Variants in WDR62 observed in about 807,000 individuals in gnomAD.
The protein encoded by WDR62 is WD repeat domain 62.
Under a neutral mutation model 160.6 loss-of-function variants are expected in WDR62, and 112 were observed. The observed-to-expected ratio is 0.70, with a 90% CI of 0.60 to 0.82. The LOEUF is 0.82. Among genes scored for constraint, WDR62 ranks in the 40% least tolerant of loss-of-function variants. The probability of loss-of-function intolerance (pLI) is 0.00; values close to 1 mark genes in which losing one functional copy is unlikely to be tolerated. For missense variants in WDR62, 1,819 were observed against 1,983.8 expected, an observed-to-expected ratio of 0.92 and a Z score of 1.58; for synonymous variants, 792 against 815.1, an observed-to-expected ratio of 0.97 and a Z score of 0.48.
intron 9 of WDR62, chr19:36,075,141 TC>T (rs1211153722): frequency 1.3e-5 from 2 of 152,180 alleles, no homozygotes. Context: ...TTCAAGTGAT[TC>T]TCCTGCCTCG....
At chr19:36,095,103 A>T in intron 20 of WDR62, among the ~76,000 whole-genome samples, 1 of 152,228 alleles carries the variant, frequency 6.6e-6, no homozygotes, top group Non-Finnish European at 1.5e-5. Flanking sequence ...GGCTTAAGTC[A>T]GGAAGAGGAT....
intron 7 of WDR62, 32 bp downstream of exon 7, chr19:36,068,042 A>G (rs368838102): frequency 1.2e-6 from 2 of 1,603,526 alleles, no homozygotes; most frequent in Admixed American, 1.7e-5. Context: ...TCAGCTGGAC[A>G]GACTCTTTCT....
intron 12 of WDR62, among the ~76,000 whole-genome samples, chr19:36,084,958 G>A (rs1972124988): frequency 2.0e-5 from 3 of 152,172 alleles, no homozygotes; most frequent in Non-Finnish European, 2.9e-5. Flanking sequence ...TGACTTGCCC[G>A]CTGCTGGTGC....
chr19:36,111,120 TC>T, the WDR62 span: 45 of 1,253,284 alleles, frequency 3.6e-5, no homozygotes, highest in Non-Finnish European at 4.4e-5. Context: ...TCCCCTCCTT[TC>T]CCACCAGGGA....
intron 16 of WDR62, 130 bp from the exon 17 acceptor site, chr19:36,091,070 G>A: frequency 2.7e-6 from 2 of 750,504 alleles, no homozygotes; most frequent in Non-Finnish European, 4.7e-6. Flanking sequence ...CGTGTCGAAT[G>A]GGAGCGGGAG....
chr19:36,059,367 G>A lies in WDR62; in HGVS notation c.269+496G>A, dbSNP rs372869946. Among the ~76,000 whole-genome samples the A allele has an allele frequency of 2.6e-5, 4 of 152,278 alleles. No homozygotes were observed. The South Asian group carries it at 6.2e-4, about 24-fold the overall frequency. ...GGTTTGTTTCCTTATCTATAAATGG[G>A]CCTAAATAGTCGTGACCTGACCTGG... On this transcript the variant is annotated intron_variant, in intron 2 of 31. Coordinates refer to ENST00000401500, the MANE Select transcript of WDR62 (RefSeq NM_001083961.2).
chr19:36,063,476 C>T (rs1970775445), intron 3 of WDR62, among the ~76,000 whole-genome samples: 1 of 151,870 alleles, frequency 6.6e-6, no homozygotes, highest in Non-Finnish European at 1.5e-5. Context: ...TGGTCACGAA[C>T]TCCTGACCTC....
At position 36,090,491 on chromosome 19, in the gene WDR62, T is replaced by C; in HGVS notation, c.2005T>C (p.Ser669Pro). The part of the protein sequence containing the change: ...NGKQKKCYKG[S>P]QGDEGSLLKV... ...GAAGCAGAAGAAGTGCTACAAGGGC[T>C]CCCAGGGTGACGAAGGGTCCTTGCT... is the stretch of plus-strand genomic sequence containing the variant. Residue 669 changes from serine to proline, a missense_variant, in exon 16 of 32, where the codon TCC (serine) becomes CCC (proline). Ser to Pro is a moderately conservative substitution (Grantham distance 74, BLOSUM62 -1). This residue lies in a region of WDR62 where 934 missense variants were observed against 1,157.2 expected (regional missense o/e 0.81). Coordinates refer to ENST00000401500, the MANE Select transcript of WDR62 (RefSeq NM_001083961.2). 6.2e-7 allele frequency: 1 copy of C among 1,614,062 alleles called. No individual in the cohort carries two copies.
intron 24 of WDR62, 165 bp downstream of exon 24, chr19:36,101,482 A>G: frequency 1.2e-6 from 1 of 811,712 alleles, no homozygotes; most frequent in Admixed American, 2.1e-5. Flanking sequence ...AGCTGCCTAC[A>G]GCTGAGAGCC....
intron 21 of WDR62, 102 bp downstream of exon 21, chr19:36,097,181 C>G (rs1248683371): frequency 3.6e-6 from 4 of 1,123,920 alleles, no homozygotes; most frequent in Admixed American, 2.0e-5. Flanking sequence ...CCTCTTTTCC[C>G]TGGAGAAGCC....
At chr19:36,089,137 G>A (rs758002058) in intron 14 of WDR62, 32 bp downstream of exon 14, 8 of 1,613,372 alleles carry the variant, frequency 5.0e-6, no homozygotes, top group Non-Finnish European at 6.8e-6. Context: ...GGGGGCTGGG[G>A]TGGGGGGTTG....
At chr19:36,096,799 A>C (rs1972992432) in intron 20 of WDR62, among the ~76,000 whole-genome samples, 1 of 151,764 alleles carries the variant, frequency 6.6e-6, no homozygotes, top group Non-Finnish European at 1.5e-5. Flanking sequence ...CATTGTCCCC[A>C]CACTTTTCCT....
Position 36,103,443 on chromosome 19 carries a change from G to A in WDR62, c.3615G>A (p.Leu1205=), listed in dbSNP as rs1181158927. Residue 1205 remains leucine (L), a synonymous_variant, in exon 30 of 32, where the codon CTG becomes CTA. Coordinates refer to ENST00000401500, the MANE Select transcript of WDR62 (RefSeq NM_001083961.2). ...CCACATCTGCACCCACCCCAGGCCT[G>A]GCTCAGGGTGTCCATGCCCCCTCCA... ...PTPTSAPTPG[L]AQGVHAPSTC... The A allele has an allele frequency of 6.2e-7, 1 of 1,613,902 alleles. No homozygotes were observed. The highest frequency in any genetic ancestry group is 8.5e-7 in the Non-Finnish European group (1 of 1,179,996).
chr19:36,066,860 C>G (rs552668085), intron 5 of WDR62, among the ~76,000 whole-genome samples: 1 of 152,318 alleles, frequency 6.6e-6, no homozygotes, highest in East Asian at 1.9e-4. Context: ...GACATCTCCC[C>G]CTCTGAGCCT....
intron 22 of WDR62, 31 bp downstream of exon 22, chr19:36,099,648 GC>G (rs1568365799): frequency 1.9e-6 from 3 of 1,610,620 alleles, no homozygotes; most frequent in Non-Finnish European, 2.5e-6. Context: ...CTGGCCCATA[GC>G]CCCGGCACCG....
At chr19:36,090,391 AG>A in intron 15 of WDR62, 53 bp from the exon 16 acceptor site, 1 of 1,555,036 alleles carries the variant, frequency 6.4e-7, no homozygotes, top group Non-Finnish European at 8.9e-7. Flanking sequence ...CCAGAGAATG[AG>A]GTGGTGGGGT....
intron 7 of WDR62, among the ~76,000 whole-genome samples, chr19:36,069,193 A>G (rs1387167193): frequency 1.0e-4 from 15 of 143,380 alleles, no homozygotes; most frequent in Non-Finnish European, 4.4e-5. Context: ...TCCCTCCGGG[A>G]CGGGGCGGCT....
At chr19:36,090,554 C>T (rs1343314785) in intron 16 of WDR62, 34 bp downstream of exon 16, 3 of 1,601,496 alleles carry the variant, frequency 1.9e-6, no homozygotes, top group Non-Finnish European at 2.6e-6. Flanking sequence ...TGTCTGCTGC[C>T]CTGATGGGCC....
Position 36,103,685 on chromosome 19 carries a change from G to A in WDR62, c.3857G>A (p.Arg1286His), listed in dbSNP as rs371385084. Residue 1286 changes from arginine to histidine, a missense_variant, in exon 30 of 32, where the codon CGT becomes CAT. Coordinates refer to ENST00000401500, the MANE Select transcript of WDR62 (RefSeq NM_001083961.2). ...LDSEGQEPALRSWGNHEARAN... is the reference protein window; with the variant it reads ...LDSEGQEPALHSWGNHEARAN... ...AGTGAGGGCCAAGAGCCTGCCCTGC[G>A]TTCCTGGGGCAACCACGAGGCCCGG... 40 of 1,610,304 alleles carry A rather than the reference G, an allele frequency of 2.5e-5. No individual in the cohort carries two copies. Among genetic ancestry groups the A allele is most frequent in the African/African-American group, 1.1e-4 (8 of 74,994 alleles).
Sources: gnomAD v4.1 joint callset for allele counts (sites outside exome capture counted in the v4.1 genomes callset) on GRCh38, gnomAD v4.1.1 for gene constraint, gnomAD v4.1.1 regional missense constraint, MANE v1.5 for transcripts, NCBI Gene and HGNC (gene_info 2026-07-23, HGNC 2026-07-21) for gene names.